The following ZMYND11 variants were observed in gnomAD, a reference collection of about 807,000 sequenced individuals.
The protein encoded by ZMYND11 is zinc finger MYND domain-containing protein 11.
ZMYND11 carries 9 observed loss-of-function variants against 84.9 expected under a neutral mutation model. That is an observed-to-expected ratio of 0.11 (90% CI 0.06 to 0.18). The LOEUF (loss-of-function observed/expected upper bound fraction) is 0.18. Ranked by LOEUF, ZMYND11 falls within the 10% of genes least tolerant of loss-of-function variation. The pLI is 1.00. For missense variants in ZMYND11, 409 were observed against 761.0 expected, an observed-to-expected ratio of 0.54 and a Z score of 5.44; for synonymous variants, 250 against 244.1, an observed-to-expected ratio of 1.02 and a Z score of -0.23.
intron 1 of ZMYND11, among the ~76,000 whole-genome samples, chr10:177,949 G>A (rs1008502442): frequency 6.6e-6 from 1 of 151,848 alleles, no homozygotes. Flanking sequence ...TTATTTCTAC[G>A]TGTGTTATAA....
At chr10:168,101 A>G (rs1215596288) in intron 1 of ZMYND11, among the ~76,000 whole-genome samples, 1 of 152,176 alleles carries the variant, frequency 6.6e-6, no homozygotes, top group Admixed American at 6.6e-5. Context: ...AGGGGCATGA[A>G]GAAGGTTTAA....
chr10:180,169 A>G, intron 2 of ZMYND11, 41 bp downstream of exon 2: 1 of 1,556,314 alleles, frequency 6.4e-7, no homozygotes, highest in Non-Finnish European at 8.8e-7. Flanking sequence ...AAAATGTCGT[A>G]GAAGACTTTG....
chr10:165,869 T>A (rs1217536486), intron 1 of ZMYND11, among the ~76,000 whole-genome samples: 1 of 152,140 alleles, frequency 6.6e-6, no homozygotes, highest in Non-Finnish European at 1.5e-5. Flanking sequence ...CAATGTGGTA[T>A]TGGAATAATA....
At chr10:133,166 G>A (rs1015288242), upstream of ZMYND11, among the ~76,000 whole-genome samples, 1 of 152,154 alleles carries the variant, frequency 6.6e-6, no homozygotes, top group East Asian at 1.9e-4. Context: ...GTATATAAGC[G>A]TTCATTTCGC....
intron 1 of ZMYND11, among the ~76,000 whole-genome samples, chr10:164,826 A>T (rs1465931217): frequency 6.6e-6 from 1 of 152,180 alleles, no homozygotes; most frequent in Non-Finnish European, 1.5e-5. Context: ...AGATAATTAC[A>T]TAAGGGTAGG....
At position 149,294 on chromosome 10, in the gene ZMYND11, A is replaced by G. The variant is rs1184482561; in HGVS notation, c.-20+13735A>G. 5.3e-3 allele frequency among the ~76,000 whole-genome samples: 452 copies of G among 84,894 alleles called. No individual in the cohort carries two copies. The Middle Eastern group carries it at 0.063, about 12-fold the overall frequency. 55.7% of individuals were successfully genotyped at this position (84,894 alleles called of 152,430 possible). A position where few individuals can be genotyped will look rare whatever the true frequency, so the allele number is the denominator to read the frequency against. On this transcript the variant is annotated intron_variant, in intron 1 of 14. Coordinates refer to ENST00000381604, the MANE Select transcript of ZMYND11 (RefSeq NM_001370100.5). The stretch of plus-strand genomic sequence containing the variant: ...GAACACTGAGGTGGTTGTTATTATT[A>G]TTATTATTATTATTATTATTATTAT...
chr10:163,829 C>A (rs1228041157), intron 1 of ZMYND11, among the ~76,000 whole-genome samples: 2 of 152,060 alleles, frequency 1.3e-5, no homozygotes, highest in African/African-American at 4.8e-5. Flanking sequence ...TCAACACATA[C>A]CTATACCTAT....
At chr10:148,963 A>G (rs1423975282) in intron 1 of ZMYND11, among the ~76,000 whole-genome samples, 1 of 152,232 alleles carries the variant, frequency 6.6e-6, no homozygotes, top group Non-Finnish European at 1.5e-5. Context: ...CAAGAATTAT[A>G]TTAATTGCTG....
chr10:190,914 A>G (rs1466698745), intron 2 of ZMYND11, among the ~76,000 whole-genome samples: 5 of 151,774 alleles, frequency 3.3e-5, no homozygotes, highest in African/African-American at 1.2e-4. Context: ...ATATAATTTG[A>G]TTTCATTATT....
intron 4 of ZMYND11, among the ~76,000 whole-genome samples, chr10:229,233 C>T (rs928107007): frequency 6.6e-6 from 1 of 152,200 alleles, no homozygotes; most frequent in Non-Finnish European, 1.5e-5. Flanking sequence ...ATGAACAATT[C>T]TTGTGCGTTA....
chr10:240,137 A>G (rs1312997038), intron 8 of ZMYND11, 26 bp downstream of exon 8: 1 of 1,532,462 alleles, frequency 6.5e-7, no homozygotes, highest in African/African-American at 1.4e-5. Flanking sequence ...CAATAGTTAT[A>G]CTCTTTCTAT....
chr10:162,585 A>G (rs150375772), intron 1 of ZMYND11, among the ~76,000 whole-genome samples: 7 of 152,186 alleles, frequency 4.6e-5, no homozygotes, highest in African/African-American at 1.4e-4. Flanking sequence ...AATTTTGTCA[A>G]GTGCTTTTTC....
chr10:236,968 G>A, intron 5 of ZMYND11, 53 bp downstream of exon 5: 1 of 1,513,076 alleles, frequency 6.6e-7, no homozygotes, highest in Non-Finnish European at 9.1e-7. Context: ...ATTTTACTAT[G>A]GTTCATTCTT....
At chr10:165,795 T>C (rs1554763546) in intron 1 of ZMYND11, among the ~76,000 whole-genome samples, 1 of 152,168 alleles carries the variant, frequency 6.6e-6, no homozygotes, top group Non-Finnish European at 1.5e-5. Flanking sequence ...TTTGTTGCTT[T>C]TCCTTAATTA....
At chr10:172,414 A>G (rs1424341376) in intron 1 of ZMYND11, among the ~76,000 whole-genome samples, 1 of 152,206 alleles carries the variant, frequency 6.6e-6, no homozygotes, top group Non-Finnish European at 1.5e-5. Flanking sequence ...GTTGCAGGAT[A>G]TGAGGGTAAT....
At chr10:187,565 C>T (rs920640140) in intron 2 of ZMYND11, among the ~76,000 whole-genome samples, 1 of 150,596 alleles carries the variant, frequency 6.6e-6, no homozygotes, top group African/African-American at 2.4e-5. Context: ...ACCCGGGAGG[C>T]GGAGCTTGCA....
intron 3 of ZMYND11, among the ~76,000 whole-genome samples, chr10:215,742 G>C (rs914290332): frequency 2.0e-5 from 3 of 151,888 alleles, no homozygotes; most frequent in African/African-American, 7.3e-5. Flanking sequence ...ATTTTTTGTA[G>C]AGACAGGGTC....
rs571981054 is a variant in ZMYND11, at chr10:183,761, C to T, written c.116+3633C>T. On this transcript the variant is annotated intron_variant, in intron 2 of 14. Transcript: ENST00000381604. ...CATTTCATATATTTCAGTCCATTTTCGACATACCCCTTATTGATGCTATCT... is the reference window on the plus strand; with the variant it reads ...CATTTCATATATTTCAGTCCATTTTTGACATACCCCTTATTGATGCTATCT... Among the ~76,000 whole-genome samples, 19 of 152,252 alleles carry T rather than the reference C, an allele frequency of 1.2e-4. No homozygotes were observed. The South Asian group carries it at 2.7e-3, about 22-fold the overall frequency.
chr10:234,259 G>A (rs751845771), intron 4 of ZMYND11, among the ~76,000 whole-genome samples: 5 of 152,220 alleles, frequency 3.3e-5, no homozygotes, highest in Non-Finnish European at 5.9e-5. Flanking sequence ...TGCAGCGCAC[G>A]GCGCCTTGAG....
Sources: allele counts gnomAD v4.1 joint callset (sites outside exome capture counted in the v4.1 genomes callset), GRCh38; gene constraint gnomAD v4.1.1; transcripts MANE v1.5; gene names NCBI Gene and HGNC (gene_info 2026-07-23, HGNC 2026-07-21).